PRKG1: variants seen among roughly 807,000 people sequenced by gnomAD.
The protein encoded by PRKG1 is cGMP-dependent protein kinase 1.
In PRKG1, 35 loss-of-function variants were observed where a neutral mutation model predicts 88.1. The ratio of observed to expected loss-of-function variants is 0.40; its 90% CI spans 0.30 to 0.53. The LOEUF (loss-of-function observed/expected upper bound fraction) is 0.53. PRKG1 is among the 20% of genes least tolerant of loss of function. The pLI, the probability that PRKG1 is intolerant of heterozygous loss-of-function variation, is 0.59. For missense variants in PRKG1, 540 were observed against 839.8 expected (o/e 0.64, Z 4.41); for synonymous variants, 303 against 292.5 (o/e 1.04, Z -0.37).
Position 51,554,288 on chromosome 10 carries a change from TTA to T in PRKG1, c.592+86458_592+86459del, listed in dbSNP as rs565573655. ...AGGTTATCTTAGTTATATTTATATA[TTA>T]TATATGTATATATAATATGTACATA... On this transcript the variant is annotated intron_variant, in intron 3 of 17. Transcript: ENST00000373980. Among the ~76,000 whole-genome samples the T allele has an allele frequency of 2.9e-3, 340 of 118,908 alleles. 1 individual carries two copies. The highest frequency in any genetic ancestry group is 9.9e-3 in the African/African-American group (301 of 30,488). The allele number at this position is 118,908 out of a possible 152,430, so 78.0% of individuals were successfully genotyped here. A position where few individuals can be genotyped will look rare whatever the true frequency, so the allele number is the denominator to read the frequency against.
intron 3 of PRKG1, among the ~76,000 whole-genome samples, chr10:51,733,441 G>C (rs1837171784): frequency 6.6e-6 from 1 of 152,124 alleles, no homozygotes; most frequent in Non-Finnish European, 1.5e-5. Flanking sequence ...GGAACGTCTT[G>C]AACCAACTAA....
chr10:51,223,518 A>G (rs1184044386), intron 2 of PRKG1, among the ~76,000 whole-genome samples: 1 of 152,206 alleles, frequency 6.6e-6, no homozygotes, highest in African/African-American at 2.4e-5. Flanking sequence ...GAATATCTAT[A>G]TAAATGTATT....
At chr10:51,710,229 A>T (rs1467149240) in intron 3 of PRKG1, among the ~76,000 whole-genome samples, 1 of 152,156 alleles carries the variant, frequency 6.6e-6, no homozygotes, top group African/African-American at 2.4e-5. Context: ...GTCAGACAAG[A>T]TAGAGAATAG....
intron 3 of PRKG1, chr10:51,695,962 G>C (rs531302615): frequency 6.6e-6 from 1 of 152,158 alleles, no homozygotes; most frequent in African/African-American, 2.4e-5. Flanking sequence ...CTTGTTTTAT[G>C]ATACCAACAT....
chr10:51,910,239 G>A (rs1308785945), intron 5 of PRKG1: 3 of 63,888 alleles, frequency 4.7e-5, no homozygotes, highest in Non-Finnish European at 9.1e-5. Flanking sequence ...AAGTCACATA[G>A]GTAAATCCAG....
At chr10:52,221,902 T>C (rs558869722) in intron 9 of PRKG1, among the ~76,000 whole-genome samples, 1 of 152,342 alleles carries the variant, frequency 6.6e-6, no homozygotes, top group Non-Finnish European at 1.5e-5. Context: ...TTGGATTAAG[T>C]GCTTTCAGAA....
chr10:51,280,039 T>G (rs1281119741), intron 2 of PRKG1, among the ~76,000 whole-genome samples: 4 of 152,332 alleles, frequency 2.6e-5, no homozygotes, highest in Non-Finnish European at 5.9e-5. Context: ...GTTTAGTGCT[T>G]CCTTCAGGAG....
chr10:51,709,249 G>T (rs1841683756), intron 3 of PRKG1, among the ~76,000 whole-genome samples: 1 of 152,166 alleles, frequency 6.6e-6, no homozygotes, highest in South Asian at 2.1e-4. Context: ...TATAATGCGT[G>T]ATCTTCTTGA....
At chr10:52,279,272 T>C (rs1841946360) in intron 12 of PRKG1, among the ~76,000 whole-genome samples, 1 of 152,176 alleles carries the variant, frequency 6.6e-6, no homozygotes, top group South Asian at 2.1e-4. Flanking sequence ...AAGTATATCA[T>C]TTGTTTCCTC....
At chr10:51,405,589 C>T (rs1417297381) in intron 2 of PRKG1, among the ~76,000 whole-genome samples, 10 of 152,306 alleles carry the variant, frequency 6.6e-5, no homozygotes, top group Admixed American at 5.2e-4. Flanking sequence ...TAGACATTTA[C>T]GTCTGGCACA....
rs186419707 is a variant in PRKG1, at chr10:52,223,501, C to T, written c.1077-28069C>T. The stretch of plus-strand genomic sequence containing the variant: ...CTGAGCACTTCCAATAGTTCTATGT[C>T]GGCATGCTTCACAACTCAATCCTTG... On this transcript the variant is annotated intron_variant, in intron 9 of 17. Coordinates refer to ENST00000373980, the MANE Select transcript of PRKG1 (RefSeq NM_006258.4). 7.9e-5 allele frequency among the ~76,000 whole-genome samples: 12 copies of T among 152,230 alleles called. No homozygotes were observed. The East Asian group carries it at 1.2e-3, about 15-fold the overall frequency.
intron 1 of PRKG1, among the ~76,000 whole-genome samples, chr10:51,094,631 G>A (rs1459727300): frequency 6.6e-6 from 1 of 151,832 alleles, no homozygotes; most frequent in Non-Finnish European, 1.5e-5. Context: ...GTCTAGGGCA[G>A]CGCTCCATAA....
At chr10:52,097,936 C>T (rs1440185164) in intron 7 of PRKG1, among the ~76,000 whole-genome samples, 1 of 152,014 alleles carries the variant, frequency 6.6e-6, no homozygotes, top group East Asian at 1.9e-4. Context: ...ATAAAACTCT[C>T]TAAAGGTAAG....
intron 3 of PRKG1, among the ~76,000 whole-genome samples, chr10:51,613,166 G>T (rs1838956583): frequency 6.6e-6 from 1 of 151,846 alleles, no homozygotes. Flanking sequence ...TTCTTTGTTT[G>T]AAAACTTTTT....
chr10:51,698,287 A>C, intron 3 of PRKG1: 2 of 1,613,690 alleles, frequency 1.2e-6, no homozygotes, highest in Non-Finnish European at 1.7e-6. Context: ...TTTCCATGGC[A>C]CGAGTCTCCA....
At chr10:52,126,437 A>G (rs1308332672) in intron 7 of PRKG1, among the ~76,000 whole-genome samples, 3 of 152,158 alleles carry the variant, frequency 2.0e-5, no homozygotes, top group African/African-American at 4.8e-5. Context: ...AATCTTAGTT[A>G]TCTCCTGGTA....
chr10:51,355,644 G>A (rs1239350952), intron 2 of PRKG1, among the ~76,000 whole-genome samples: 1 of 151,970 alleles, frequency 6.6e-6, no homozygotes, highest in Non-Finnish European at 1.5e-5. Flanking sequence ...TCAGTTGTTA[G>A]AAAGGATGCC....
intron 3 of PRKG1, among the ~76,000 whole-genome samples, chr10:51,544,370 A>G (rs941492675): frequency 2.0e-5 from 3 of 151,974 alleles, no homozygotes; most frequent in South Asian, 4.2e-4. Context: ...CCACGTCCCT[A>G]CAAAGGACAT....
intron 2 of PRKG1, among the ~76,000 whole-genome samples, chr10:51,356,513 A>G (rs1231784219): frequency 6.6e-6 from 1 of 151,992 alleles, no homozygotes; most frequent in Non-Finnish European, 1.5e-5. Context: ...AGACTAAAAG[A>G]TGCTGCACTT....
Sources: allele counts gnomAD v4.1 joint callset (sites outside exome capture counted in the v4.1 genomes callset), GRCh38; gene constraint gnomAD v4.1.1; transcripts MANE v1.5; gene names NCBI Gene and HGNC (gene_info 2026-07-23, HGNC 2026-07-21).